The following CDH12 variants were observed in gnomAD, a reference collection of about 807,000 sequenced individuals.
The protein encoded by CDH12 is cadherin 12, also known as cadherin-12.
CDH12 carries 41 observed loss-of-function variants against 74.1 expected under a neutral mutation model. The ratio of observed to expected loss-of-function variants is 0.55; its 90% CI spans 0.43 to 0.72. The LOEUF is 0.72. Among genes scored for constraint, CDH12 ranks in the 30% least tolerant of loss-of-function variants. The pLI is 0.00. For synonymous variants in CDH12, 399 were observed against 355.0 expected, an observed-to-expected ratio of 1.12 and a Z score of -1.39; for missense variants, 945 against 977.2, an observed-to-expected ratio of 0.97 and a Z score of 0.44.
chr5:22,199,092 C>T (rs2095450752), intron 4 of CDH12, among the ~76,000 whole-genome samples: 1 of 152,078 alleles, frequency 6.6e-6, no homozygotes, highest in Non-Finnish European at 1.5e-5. Flanking sequence ...TCTGCACCTG[C>T]GAGTACAGAA....
chr5:22,329,015 AACAAG>A (rs1399656188), intron 3 of CDH12, among the ~76,000 whole-genome samples: 1 of 152,206 alleles, frequency 6.6e-6, no homozygotes, highest in Non-Finnish European at 1.5e-5. Flanking sequence ...AGGCAAAATA[AACAAG>A]ACAAGAGAAG....
chr5:22,649,965 C>T (rs950995588), intron 1 of CDH12, among the ~76,000 whole-genome samples: 23 of 151,786 alleles, frequency 1.5e-4, no homozygotes, highest in East Asian at 9.7e-4. Flanking sequence ...TTTATTTTAC[C>T]GAATAGTTAT....
chr5:22,606,983 C>A (rs909835903), intron 1 of CDH12, among the ~76,000 whole-genome samples: 1 of 152,176 alleles, frequency 6.6e-6, no homozygotes, highest in African/African-American at 2.4e-5. Flanking sequence ...GAAAAGATAA[C>A]TCTTGCTTTG....
chr5:22,724,003 T>C (rs1417256919), intron 1 of CDH12, among the ~76,000 whole-genome samples: 1 of 151,792 alleles, frequency 6.6e-6, no homozygotes, highest in African/African-American at 2.4e-5. Context: ...TTCTCAGTTT[T>C]ACAATTGAGC....
At chr5:22,835,475 A>C (rs891209040) in intron 1 of CDH12, among the ~76,000 whole-genome samples, 1 of 152,190 alleles carries the variant, frequency 6.6e-6, no homozygotes, top group Non-Finnish European at 1.5e-5. Flanking sequence ...GGAGTAAAAA[A>C]TAGAAGTAAA....
At chr5:22,357,331 T>C (rs1440987908) in intron 3 of CDH12, among the ~76,000 whole-genome samples, 1 of 152,154 alleles carries the variant, frequency 6.6e-6, no homozygotes, top group Non-Finnish European at 1.5e-5. Flanking sequence ...AGACAGTTGA[T>C]GACTATTTTC....
chr5:22,721,987 C>T (rs1327899276), intron 1 of CDH12, among the ~76,000 whole-genome samples: 3 of 152,104 alleles, frequency 2.0e-5, no homozygotes, highest in Admixed American at 2.0e-4. Context: ...CTTAGGCAGT[C>T]CCTTACAGCA....
At chr5:22,159,661 C>G (rs959028534) in intron 4 of CDH12, among the ~76,000 whole-genome samples, 1 of 152,160 alleles carries the variant, frequency 6.6e-6, no homozygotes, top group African/African-American at 2.4e-5. Flanking sequence ...ATAACTACCA[C>G]AGCAAAAACT....
At chr5:21,761,708 G>T (rs552735478) in intron 12 of CDH12, among the ~76,000 whole-genome samples, 1 of 150,712 alleles carries the variant, frequency 6.6e-6, no homozygotes, top group Non-Finnish European at 1.5e-5. Flanking sequence ...ATAGATGTTA[G>T]ATATGTAGGT....
chr5:21,805,599 A>G (rs1747384333), intron 9 of CDH12, among the ~76,000 whole-genome samples: 1 of 152,086 alleles, frequency 6.6e-6, no homozygotes, highest in African/African-American at 2.4e-5. Context: ...CCTGACTTTT[A>G]GGCAATCCCA....
chr5:22,777,620 T>TTG (rs936945987), intron 1 of CDH12, among the ~76,000 whole-genome samples: 2 of 151,514 alleles, frequency 1.3e-5, no homozygotes, highest in African/African-American at 4.8e-5. Context: ...GTGTGTGCGC[T>TTG]TGTGTGTGTG....
chr5:22,757,754 T>A (rs564655903), intron 1 of CDH12, among the ~76,000 whole-genome samples: 8 of 152,302 alleles, frequency 5.3e-5, no homozygotes, highest in Admixed American at 3.3e-4. Flanking sequence ...CTCCTCTCAA[T>A]AACAACTTGT....
chr5:22,609,075 G>T (rs1737264577), intron 1 of CDH12, among the ~76,000 whole-genome samples: 1 of 152,086 alleles, frequency 6.6e-6, no homozygotes, highest in Non-Finnish European at 1.5e-5. Flanking sequence ...CATGTGTTGA[G>T]GTAAGGGGCA....
At chr5:21,789,746 C>G (rs191942623) in intron 10 of CDH12, among the ~76,000 whole-genome samples, 2 of 152,004 alleles carry the variant, frequency 1.3e-5, no homozygotes, top group East Asian at 3.9e-4. Flanking sequence ...TAATAATATT[C>G]AATTATTATG....
chr5:22,446,743 C>T (rs1235778817), intron 2 of CDH12, among the ~76,000 whole-genome samples: 1 of 152,004 alleles, frequency 6.6e-6, no homozygotes, highest in Non-Finnish European at 1.5e-5. Context: ...TTTTTCAAAG[C>T]TTTTTGTACT....
At chr5:22,147,676 T>A (rs1747291221) in intron 4 of CDH12, among the ~76,000 whole-genome samples, 1 of 151,034 alleles carries the variant, frequency 6.6e-6, no homozygotes, top group Non-Finnish European at 1.5e-5. Flanking sequence ...AAAAGGCACA[T>A]CTTACATGGT....
At chr5:22,428,847 A>G (rs1359688116) in intron 2 of CDH12, among the ~76,000 whole-genome samples, 1 of 152,110 alleles carries the variant, frequency 6.6e-6, no homozygotes, top group East Asian at 1.9e-4. Flanking sequence ...AAACTGGGAG[A>G]ACAGCCTGCC....
At chr5:22,227,606 G>C (rs1053227777) in intron 3 of CDH12, among the ~76,000 whole-genome samples, 1 of 152,218 alleles carries the variant, frequency 6.6e-6, no homozygotes, top group Non-Finnish European at 1.5e-5. Context: ...ATGAGAAACA[G>C]GGCATCTCAG....
intron 1 of CDH12, among the ~76,000 whole-genome samples, chr5:22,723,702 C>T (rs990112275): frequency 2.0e-5 from 3 of 151,866 alleles, no homozygotes; most frequent in African/African-American, 7.3e-5. Context: ...GTTTATTTTC[C>T]CCTCCTGTTT....
Sources: gnomAD v4.1 joint callset for allele counts (sites outside exome capture counted in the v4.1 genomes callset) on GRCh38, gnomAD v4.1.1 for gene constraint, MANE v1.5 for transcripts, NCBI Gene and HGNC (gene_info 2026-07-23, HGNC 2026-07-21) for gene names.